Variants in CHEK2 observed in about 807,000 individuals in gnomAD.
The protein encoded by CHEK2 is serine/threonine-protein kinase Chk2.
Under a neutral mutation model 69.1 loss-of-function variants are expected in CHEK2, and 71 were observed. The observed-to-expected ratio is 1.03, with a 90% confidence interval of 0.85 to 1.25. The LOEUF (loss-of-function observed/expected upper bound fraction) is 1.25, where lower values mean the gene tolerates loss of function less well. Among genes scored for constraint, CHEK2 ranks in the 50% most tolerant of loss-of-function variants. The pLI is 0.00. For missense variants in CHEK2, 664 were observed against 649.6 expected (o/e 1.02, Z -0.24); for synonymous variants, 189 against 226.9 (o/e 0.83, Z 1.50).
chr22:28,732,878 G>A (rs2054260969), intron 2 of CHEK2, among the ~76,000 whole-genome samples: 1 of 152,056 alleles, frequency 6.6e-6, no homozygotes, highest in African/African-American at 2.4e-5. Flanking sequence ...TGCAACCTCT[G>A]CCTCCCAGGT....
intron 2 of CHEK2, chr22:28,730,584 A>G (rs2054184075): frequency 3.0e-6 from 2 of 670,520 alleles, no homozygotes; most frequent in South Asian, 1.5e-5. Context: ...TAGGCCAGCC[A>G]CGGTGGCTCA....
chr22:28,690,628 CAAAAAA>C (rs35236854), intron 13 of CHEK2, among the ~76,000 whole-genome samples: 6 of 88,080 alleles, frequency 6.8e-5, no homozygotes, highest in African/African-American at 2.5e-4. Context: ...ACACTGTCTC[CAAAAAA>C]AAAAAAAAAA....
chr22:28,730,509 A>C (rs1371670454), intron 2 of CHEK2: 1 of 699,784 alleles, frequency 1.4e-6, no homozygotes, highest in African/African-American at 1.7e-5. Flanking sequence ...TGACAGCAGG[A>C]GTTCAAGATC....
Position 28,696,924 on chromosome 22 carries a change from G to C in CHEK2, c.1072C>G (p.Gln358Glu), listed in dbSNP as rs878854909. The change falls in exon 10 of 15, where the codon CAA becomes GAA. Residue 358 changes from glutamine (Q) to glutamate (E), a missense_variant. Physicochemically the swap from Gln to Glu is conservative, Grantham distance 29. Coordinates refer to ENST00000404276, the MANE Select transcript of CHEK2 (RefSeq NM_007194.4). ...LKPENVLLSS[Q>E]EEDCLIKITD... ...ACCTTTATAAGACAGTCCTCTTCTT[G>C]AGATGACAGTAAAACATTCTCTGGC... 1 of 1,611,746 alleles carries C rather than the reference G, an allele frequency of 6.2e-7. No homozygotes were observed. The highest frequency in any genetic ancestry group is 1.3e-5 in the African/African-American group (1 of 74,840).
chr22:28,695,914 TAAAATAAA>T (rs1320254529), intron 10 of CHEK2, 41 bp from the exon 11 acceptor site: 2 of 1,542,002 alleles, frequency 1.3e-6, no homozygotes. Context: ...GAACTTGCCA[TAAAATAAA>T]AAGATTAACA....
At chr22:28,709,196 G>A (rs2053294467) in intron 7 of CHEK2, among the ~76,000 whole-genome samples, 1 of 151,970 alleles carries the variant, frequency 6.6e-6, no homozygotes, top group Admixed American at 6.6e-5. Flanking sequence ...TTGAGACATA[G>A]TCATCATTGC....
intron 4 of CHEK2, among the ~76,000 whole-genome samples, chr22:28,720,301 G>C (rs1453592241): frequency 6.6e-6 from 1 of 151,408 alleles, no homozygotes; most frequent in Non-Finnish European, 1.5e-5. Context: ...ATGTTGGCCA[G>C]GCTGATCTCG....
intron 5 of CHEK2, 52 bp from the exon 6 acceptor site, chr22:28,712,069 C>A (rs754022337): frequency 8.2e-7 from 1 of 1,219,630 alleles, no homozygotes; most frequent in East Asian, 2.4e-5. Flanking sequence ...AATTATGAGA[C>A]CTACCACTCC....
chr22:28,721,493 A>T (rs528173505), intron 4 of CHEK2: 13 of 352,080 alleles, frequency 3.7e-5, no homozygotes, highest in Non-Finnish European at 7.1e-5. Context: ...CACCACGTTG[A>T]CCAGGCTGGT....
intron 14 of CHEK2, 65 bp from the exon 15 acceptor site, chr22:28,688,051 A>C (rs2052193267): frequency 7.8e-7 from 1 of 1,282,246 alleles, no homozygotes. Context: ...AGATTATCAA[A>C]GTTCCTCAAT....
chr22:28,712,223 T>G, intron 5 of CHEK2: 1 of 589,648 alleles, frequency 1.7e-6, no homozygotes. Context: ...AGCTCCAAAT[T>G]CCATTTCTGA....
intron 6 of CHEK2, among the ~76,000 whole-genome samples, chr22:28,711,347 A>C (rs909485279): frequency 6.6e-6 from 1 of 152,230 alleles, no homozygotes; most frequent in Admixed American, 6.5e-5. Flanking sequence ...AAATTACCTA[A>C]ATGATCAGCC....
intron 7 of CHEK2, among the ~76,000 whole-genome samples, chr22:28,706,172 G>C (rs996444824): frequency 6.6e-6 from 1 of 151,718 alleles, no homozygotes; most frequent in Non-Finnish European, 1.5e-5. Context: ...GTGGTAGCAC[G>C]AACCTGTAGT....
chr22:28,716,935 G>A (rs910257703), intron 5 of CHEK2, among the ~76,000 whole-genome samples: 57 of 152,204 alleles, frequency 3.7e-4, no homozygotes, highest in Middle Eastern at 3.4e-3. Context: ...CAGACACTAC[G>A]TGGCGTGTGA....
chr22:28,716,743 T>C (rs2053601429), intron 5 of CHEK2, among the ~76,000 whole-genome samples: 1 of 152,204 alleles, frequency 6.6e-6, no homozygotes, highest in Admixed American at 6.5e-5. Context: ...AAGAACATTT[T>C]GTAATGTGGT....
intron 6 of CHEK2, among the ~76,000 whole-genome samples, chr22:28,710,575 A>G (rs2053356968): frequency 6.6e-6 from 1 of 152,250 alleles, no homozygotes; most frequent in African/African-American, 2.4e-5. Context: ...ACAGGTTCCA[A>G]CTTCAACAGC....
upstream of CHEK2, chr22:28,741,834 CAG>C (rs2054566505): frequency 1.8e-6 from 1 of 566,880 alleles, no homozygotes; most frequent in East Asian, 3.0e-5. Flanking sequence ...GCTAAACCTG[CAG>C]ATACAAACTC....
chr22:28,694,029 C>A lies in CHEK2; in HGVS notation c.1461+3G>T. 1 of 1,590,422 alleles carries A rather than the reference C, an allele frequency of 6.3e-7. No homozygotes were observed. The highest frequency in any genetic ancestry group is 1.1e-5 in the South Asian group (1 of 90,868). Reference sequence around the variant, plus strand: ...ATGCTAGCAGGCACTGTCCCACACCCACCTGAAGCCACGGGTGTCTTAAGG... The same window carrying A: ...ATGCTAGCAGGCACTGTCCCACACCAACCTGAAGCCACGGGTGTCTTAAGG... On this transcript the variant is annotated splice_donor_region_variant and intron_variant, in intron 13 of 14. Transcript: ENST00000404276.
intron 7 of CHEK2, among the ~76,000 whole-genome samples, chr22:28,704,289 A>G (rs541185895): frequency 2.2e-4 from 33 of 147,580 alleles, no homozygotes; most frequent in Non-Finnish European, 3.9e-4. Flanking sequence ...TAGCACACCT[A>G]TTTTTTTTTT....
Sources: allele counts gnomAD v4.1 joint callset (sites outside exome capture counted in the v4.1 genomes callset), GRCh38; gene constraint gnomAD v4.1.1; transcripts MANE v1.5; gene names NCBI Gene and HGNC (gene_info 2026-07-23, HGNC 2026-07-21).